EXOC6B: variants seen among roughly 807,000 people sequenced by gnomAD.
EXOC6B encodes the protein SEC15 homolog B.
EXOC6B carries 54 observed loss-of-function variants against 113.5 expected under a neutral mutation model. The observed-to-expected ratio is 0.48, with a 90% confidence interval of 0.38 to 0.60. EXOC6B has a LOEUF of 0.60. EXOC6B is among the 20% of genes least tolerant of loss of function. The pLI is 0.00. For synonymous variants in EXOC6B, 357 were observed against 339.0 expected (o/e 1.05, Z -0.58); for missense variants, 797 against 977.5 (o/e 0.82, Z 2.46).
At chr2:72,214,056 C>G (rs923918171) in intron 20 of EXOC6B, among the ~76,000 whole-genome samples, 1 of 152,156 alleles carries the variant, frequency 6.6e-6, no homozygotes, top group Non-Finnish European at 1.5e-5. Context: ...GTTCTGCCCA[C>G]CACCCCATAA....
At chr2:72,260,163 TATATATGATA>T (rs1683626586) in intron 20 of EXOC6B, among the ~76,000 whole-genome samples, 1 of 152,152 alleles carries the variant, frequency 6.6e-6, no homozygotes, top group South Asian at 2.1e-4. Flanking sequence ...TAATAAGGTT[TATATATGATA>T]ATAAGCAGTC....
At chr2:72,283,965 A>G (rs1685274032) in intron 20 of EXOC6B, among the ~76,000 whole-genome samples, 1 of 152,162 alleles carries the variant, frequency 6.6e-6, no homozygotes, top group African/African-American at 2.4e-5. Flanking sequence ...GCATATAAAT[A>G]TTATAGAAAT....
intron 6 of EXOC6B, among the ~76,000 whole-genome samples, chr2:72,628,964 G>GTAATA (rs1255997012): frequency 6.6e-6 from 1 of 152,064 alleles, no homozygotes; most frequent in African/African-American, 2.4e-5. Context: ...CTCTATCCAT[G>GTAATA]TAATATAATA....
At chr2:72,601,163 T>C (rs868724186) in intron 6 of EXOC6B, among the ~76,000 whole-genome samples, 8 of 135,972 alleles carry the variant, frequency 5.9e-5, no homozygotes, top group African/African-American at 1.1e-4. Flanking sequence ...TGTGTGTGTG[T>C]GTGTGTGTGT....
At chr2:72,518,113 T>A (rs1340545441) in intron 8 of EXOC6B, among the ~76,000 whole-genome samples, 1 of 152,186 alleles carries the variant, frequency 6.6e-6, no homozygotes, top group African/African-American at 2.4e-5. Flanking sequence ...ATTGGTGCAG[T>A]GCCTGTCTAT....
chr2:72,328,719 T>C lies in EXOC6B; in HGVS notation c.2196+6228A>G, dbSNP rs1240332785. 2.0e-5 allele frequency among the ~76,000 whole-genome samples: 3 copies of C among 152,122 alleles called. No homozygotes were observed. In the East Asian group the frequency reaches 5.8e-4, roughly 29 times the overall value. On this transcript the variant is annotated intron_variant, in intron 20 of 21. Coordinates refer to ENST00000272427, the MANE Select transcript of EXOC6B (RefSeq NM_015189.3). ...AAAGAGATCTGTGCAGGTGGTCTGA[T>C]AATACTATATCTTCTTCTAACCACC...
intron 1 of EXOC6B, among the ~76,000 whole-genome samples, chr2:72,746,846 A>G (rs1328297427): frequency 6.6e-6 from 1 of 152,092 alleles, no homozygotes. Context: ...AAGGAAAGCA[A>G]GCAGGTGGCA....
At position 72,251,289 on chromosome 2, in the gene EXOC6B, T is replaced by C. The variant is rs1480357048; in HGVS notation, c.2197-67102A>G. On this transcript the variant is annotated intron_variant, in intron 20 of 21. Transcript: ENST00000272427. ...TGTGCAAAGTGTATACAGGAATTTA[T>C]GTTTAGGTAACACAATTTGTTTTCC... Among the ~76,000 whole-genome samples, 5 of 152,220 alleles carry C rather than the reference T, an allele frequency of 3.3e-5. No individual in the cohort carries two copies. The East Asian group carries it at 7.7e-4, about 23-fold the overall frequency.
chr2:72,807,845 A>C (rs1001958204), intron 1 of EXOC6B, among the ~76,000 whole-genome samples: 1 of 73,504 alleles, frequency 1.4e-5, no homozygotes, highest in Non-Finnish European at 2.3e-5. Context: ...TAATGAGTAC[A>C]AAAAAAAAAA....
At chr2:72,458,122 A>AT (rs999074320) in intron 18 of EXOC6B, among the ~76,000 whole-genome samples, 20 of 152,088 alleles carry the variant, frequency 1.3e-4, no homozygotes, top group Admixed American at 1.0e-3. Flanking sequence ...CTCTATATAC[A>AT]TTTTTTCTAT....
chr2:72,691,648 G>A (rs1677487994), intron 6 of EXOC6B, among the ~76,000 whole-genome samples: 2 of 151,244 alleles, frequency 1.3e-5, no homozygotes, highest in South Asian at 4.2e-4. Context: ...AACTAGCAGG[G>A]CTTCTCTGGG....
chr2:72,665,639 G>C (rs536408373), intron 6 of EXOC6B, among the ~76,000 whole-genome samples: 1 of 152,096 alleles, frequency 6.6e-6, no homozygotes, highest in Non-Finnish European at 1.5e-5. Flanking sequence ...TTTCAGACAA[G>C]CAAACACTAA....
chr2:72,593,531 A>AG (rs977702056), intron 6 of EXOC6B, among the ~76,000 whole-genome samples: 1 of 152,116 alleles, frequency 6.6e-6, no homozygotes, highest in African/African-American at 2.4e-5. Context: ...TGCTGTCAGA[A>AG]GTGTTAGCAG....
chr2:72,388,482 T>A (rs1450386873), intron 18 of EXOC6B, among the ~76,000 whole-genome samples: 1 of 152,144 alleles, frequency 6.6e-6, no homozygotes, highest in Non-Finnish European at 1.5e-5. Context: ...TCTAGCTTAG[T>A]GAATATTCCA....
chr2:72,238,436 G>A (rs1413950171), intron 20 of EXOC6B, among the ~76,000 whole-genome samples: 1 of 152,148 alleles, frequency 6.6e-6, no homozygotes, highest in Non-Finnish European at 1.5e-5. Flanking sequence ...GAATTGCTGG[G>A]TTATATGGTT....
intron 20 of EXOC6B, among the ~76,000 whole-genome samples, chr2:72,269,765 G>T (rs1314974164): frequency 1.3e-5 from 2 of 152,080 alleles, no homozygotes; most frequent in Non-Finnish European, 2.9e-5. Flanking sequence ...CTATAAAATG[G>T]AAATGATAAT....
chr2:72,451,866 A>G (rs576281817), intron 18 of EXOC6B, among the ~76,000 whole-genome samples: 2 of 152,302 alleles, frequency 1.3e-5, no homozygotes, highest in Admixed American at 1.3e-4. Flanking sequence ...GGAGAAGTTC[A>G]AGCACTTACT....
chr2:72,250,537 T>A (rs1340999254), intron 20 of EXOC6B, among the ~76,000 whole-genome samples: 1 of 151,558 alleles, frequency 6.6e-6, no homozygotes, highest in Non-Finnish European at 1.5e-5. Flanking sequence ...AGAGACAGGG[T>A]TTTGCCATGT....
intron 18 of EXOC6B, among the ~76,000 whole-genome samples, chr2:72,438,011 T>G (rs1414006510): frequency 6.6e-6 from 1 of 152,170 alleles, no homozygotes; most frequent in Non-Finnish European, 1.5e-5. Context: ...CAATCTCATT[T>G]TTATAACCTC....
Sources: gnomAD v4.1 joint callset for allele counts (sites outside exome capture counted in the v4.1 genomes callset) on GRCh38, gnomAD v4.1.1 for gene constraint, MANE v1.5 for transcripts, NCBI Gene and HGNC (gene_info 2026-07-23, HGNC 2026-07-21) for gene names.